The following ADAMTS9 variants were observed in gnomAD, a reference collection of about 807,000 sequenced individuals.
ADAMTS9 encodes the protein ADAM metallopeptidase with thrombospondin type 1 motif 9.
Under a neutral mutation model 257.1 loss-of-function variants are expected in ADAMTS9, and 107 were observed. That is an observed-to-expected ratio of 0.42 (90% CI 0.36 to 0.49). ADAMTS9 has a LOEUF of 0.49. Ranked by LOEUF, ADAMTS9 falls within the 20% of genes least tolerant of loss-of-function variation. ADAMTS9 has a pLI of 0.03. For synonymous variants in ADAMTS9, 982 were observed against 880.9 expected (o/e 1.11, Z -2.03); for missense variants, 2,353 against 2,469.1 (o/e 0.95, Z 1.00).
chr3:64,541,690 A>G, intron 33 of ADAMTS9, 70 bp from the exon 34 acceptor site: 2 of 1,560,198 alleles, frequency 1.3e-6, no homozygotes, highest in South Asian at 1.1e-5. Context: ...TATAGAATGA[A>G]TGACATTGTT....
At chr3:64,661,536 A>G (rs569409953) in intron 3 of ADAMTS9, among the ~76,000 whole-genome samples, 1 of 152,198 alleles carries the variant, frequency 6.6e-6, no homozygotes, top group African/African-American at 2.4e-5. Flanking sequence ...ACATTGCAGG[A>G]AGTGGAGGTA....
At chr3:64,625,966 T>A (rs1412391485) in intron 16 of ADAMTS9, among the ~76,000 whole-genome samples, 1 of 152,188 alleles carries the variant, frequency 6.6e-6, no homozygotes. Context: ...GGCAGTAAAG[T>A]GAACTGGTTA....
At chr3:64,568,307 C>G in intron 29 of ADAMTS9, 61 bp downstream of exon 29, 1 of 1,549,638 alleles carries the variant, frequency 6.5e-7, no homozygotes, top group East Asian at 2.3e-5. Context: ...AGTGAACACA[C>G]TGGGGTCAGC....
At chr3:64,547,466 T>A (rs2083216505) in intron 31 of ADAMTS9, among the ~76,000 whole-genome samples, 1 of 151,272 alleles carries the variant, frequency 6.6e-6, no homozygotes, top group Admixed American at 6.6e-5. Flanking sequence ...CTTTCCTACC[T>A]GCCCTCCATT....
At chr3:64,676,217 C>G (rs1472020411) in intron 3 of ADAMTS9, among the ~76,000 whole-genome samples, 1 of 152,092 alleles carries the variant, frequency 6.6e-6, no homozygotes, top group Non-Finnish European at 1.5e-5. Context: ...CCGATAATCT[C>G]CACTTCTAAG....
At chr3:64,627,558 C>A (rs1053529015) in intron 16 of ADAMTS9, among the ~76,000 whole-genome samples, 1 of 152,118 alleles carries the variant, frequency 6.6e-6, no homozygotes, top group African/African-American at 2.4e-5. Flanking sequence ...TTTAGCTCAA[C>A]AGGAGGAAGG....
chr3:64,599,037 C>A (rs2084412384), intron 26 of ADAMTS9, among the ~76,000 whole-genome samples: 2 of 152,184 alleles, frequency 1.3e-5, no homozygotes, highest in Admixed American at 1.3e-4. Flanking sequence ...CATGGTCAAG[C>A]AATCCACTGG....
At chr3:64,640,658 C>A (rs190895230) in intron 12 of ADAMTS9, among the ~76,000 whole-genome samples, 14 of 152,274 alleles carry the variant, frequency 9.2e-5, no homozygotes, top group Admixed American at 8.5e-4. Flanking sequence ...TGGTTCCCAG[C>A]CTAAATAGGT....
intron 11 of ADAMTS9, among the ~76,000 whole-genome samples, chr3:64,643,253 T>C (rs1700701682): frequency 6.6e-6 from 1 of 151,994 alleles, no homozygotes; most frequent in Non-Finnish European, 1.5e-5. Context: ...TAAAAATAAA[T>C]GAACAGATGG....
intron 38 of ADAMTS9, among the ~76,000 whole-genome samples, chr3:64,529,293 G>C (rs1026601560): frequency 6.6e-6 from 1 of 152,250 alleles, no homozygotes; most frequent in African/African-American, 2.4e-5. Flanking sequence ...TCTTGGAAGT[G>C]AGACAGCGTT....
chr3:64,541,984 G>C lies in ADAMTS9; in HGVS notation c.5065-14C>G. 2 of 1,613,880 alleles carry C rather than the reference G, an allele frequency of 1.2e-6. No homozygotes were observed. Among genetic ancestry groups the C allele is most frequent in the Non-Finnish European group, 1.7e-6 (2 of 1,179,874 alleles). On this transcript the variant is annotated splice_polypyrimidine_tract_variant and intron_variant, in intron 32 of 39. Transcript: ENST00000498707. ...AGACACTGAGCACTGTAAGACAAAT[G>C]AGAGTCAGCGGTGTGGCTATGGAAT...
intron 22 of ADAMTS9, among the ~76,000 whole-genome samples, chr3:64,612,909 TGA>T (rs1218435692): frequency 6.6e-6 from 1 of 152,204 alleles, no homozygotes; most frequent in African/African-American, 2.4e-5. Flanking sequence ...GGCTTATTTA[TGA>T]GAGGTGAGCT....
chr3:64,586,637 G>T (rs1012912779), intron 28 of ADAMTS9: 2 of 152,128 alleles, frequency 1.3e-5, no homozygotes, highest in African/African-American at 2.4e-5. Context: ...AGTCAATGTT[G>T]TTGCATAAGT....
At chr3:64,663,684 T>A (rs974032916) in intron 3 of ADAMTS9, among the ~76,000 whole-genome samples, 4 of 152,142 alleles carry the variant, frequency 2.6e-5, no homozygotes, top group African/African-American at 7.2e-5. Flanking sequence ...GGAGGATATT[T>A]CACCCACAAG....
Position 64,651,164 on chromosome 3 carries a change from C to G in ADAMTS9, c.1317-1G>C. The G allele has an allele frequency of 6.4e-7, 1 of 1,568,994 alleles. No homozygotes were observed. The highest frequency in any genetic ancestry group is 8.6e-7 in the Non-Finnish European group (1 of 1,164,002). Reference sequence around the variant, plus strand: ...GTTGTCATCATGAGGCATGTTAAACCTAAAGCCAATGAGACAATGATGAGA... The same window carrying G: ...GTTGTCATCATGAGGCATGTTAAACGTAAAGCCAATGAGACAATGATGAGA... On this transcript the variant is annotated splice_acceptor_variant, in intron 8 of 39. Coordinates refer to ENST00000498707, the MANE Select transcript of ADAMTS9 (RefSeq NM_182920.2). LOFTEE classifies it high-confidence loss of function.
At chr3:64,639,400 G>C (rs1700585072) in intron 12 of ADAMTS9, among the ~76,000 whole-genome samples, 1 of 143,448 alleles carries the variant, frequency 7.0e-6, no homozygotes, top group African/African-American at 2.6e-5. Context: ...CTTAACTTCT[G>C]AATGTGAGGA....
chr3:64,541,831 A>T lies in ADAMTS9; in HGVS notation c.5197+7T>A, dbSNP rs376813343. 3.2e-5 allele frequency: 52 copies of T among 1,613,980 alleles called. No individual in the cohort carries two copies. Among genetic ancestry groups the T allele is most frequent in the Non-Finnish European group, 4.2e-5 (50 of 1,180,008 alleles). Reference sequence around the variant, plus strand: ...TAAAGAAAGATAACTTCAGTTGGCCAACTTACAGTTATAGACATTACGGCA... The same window carrying T: ...TAAAGAAAGATAACTTCAGTTGGCCTACTTACAGTTATAGACATTACGGCA... On this transcript the variant is annotated splice_region_variant and intron_variant, in intron 33 of 39. Coordinates refer to ENST00000498707, the MANE Select transcript of ADAMTS9 (RefSeq NM_182920.2).
At chr3:64,551,128 T>C in intron 30 of ADAMTS9, 66 bp from the exon 31 acceptor site, 2 of 1,531,210 alleles carry the variant, frequency 1.3e-6, no homozygotes, top group Non-Finnish European at 1.8e-6. Context: ...TGTAATTATG[T>C]GTTTACCTGT....
At chr3:64,529,127 T>A (rs2082946191) in intron 38 of ADAMTS9, among the ~76,000 whole-genome samples, 1 of 152,224 alleles carries the variant, frequency 6.6e-6, no homozygotes, top group Non-Finnish European at 1.5e-5. Flanking sequence ...ACAGCACAGC[T>A]GGGAGGAAGA....
Sources: allele counts gnomAD v4.1 joint callset (sites outside exome capture counted in the v4.1 genomes callset), GRCh38; gene constraint gnomAD v4.1.1; transcripts MANE v1.5; gene names NCBI Gene and HGNC (gene_info 2026-07-23, HGNC 2026-07-21).